GSK3B: variants seen among roughly 807,000 people sequenced by gnomAD.
GSK3B encodes the protein glycogen synthase kinase-3 beta.
GSK3B carries 15 observed loss-of-function variants against 56.4 expected under a neutral mutation model. The observed-to-expected ratio is 0.27, with a 90% CI of 0.18 to 0.41. The LOEUF (loss-of-function observed/expected upper bound fraction) is 0.41. Ranked by LOEUF, GSK3B falls within the 10% of genes least tolerant of loss-of-function variation. The pLI is 1.00. For synonymous variants in GSK3B, 181 were observed against 188.9 expected (o/e 0.96, Z 0.34); for missense variants, 300 against 513.4 (o/e 0.58, Z 4.02).
chr3:119,939,786 A>G (rs1418644359), intron 3 of GSK3B, among the ~76,000 whole-genome samples: 2 of 152,194 alleles, frequency 1.3e-5, no homozygotes, highest in Non-Finnish European at 2.9e-5. Context: ...TAGCAAGGAT[A>G]AGGGGAGTCG....
intron 10 of GSK3B, among the ~76,000 whole-genome samples, chr3:119,840,294 G>A (rs1175989754): frequency 4.6e-5 from 7 of 151,106 alleles, no homozygotes; most frequent in Admixed American, 6.6e-5. Flanking sequence ...GCACAATCTC[G>A]GCTCATTGCA....
intron 2 of GSK3B, among the ~76,000 whole-genome samples, chr3:119,992,811 C>T (rs535378500): frequency 6.6e-6 from 1 of 151,762 alleles, no homozygotes; most frequent in African/African-American, 2.4e-5. Context: ...TAAAATGGAC[C>T]TTGAATACAT....
chr3:120,038,818 T>TTA (rs2058042709), intron 1 of GSK3B, among the ~76,000 whole-genome samples: 1 of 121,866 alleles, frequency 8.2e-6, no homozygotes. Flanking sequence ...GCACAGTCCA[T>TTA]AAAAAAAAAA....
chr3:119,858,355 G>C (rs1223500212), intron 9 of GSK3B, among the ~76,000 whole-genome samples: 3 of 152,198 alleles, frequency 2.0e-5, no homozygotes, highest in African/African-American at 7.2e-5. Flanking sequence ...AATGATCTTA[G>C]CTAGAGGTCT....
intron 4 of GSK3B, among the ~76,000 whole-genome samples, chr3:119,922,337 T>G (rs1161919244): frequency 6.7e-6 from 1 of 148,268 alleles, no homozygotes; most frequent in Non-Finnish European, 1.5e-5. Context: ...ATATATATAC[T>G]TTATATATAA....
intron 2 of GSK3B, among the ~76,000 whole-genome samples, chr3:119,974,268 T>G (rs1253567238): frequency 5.9e-5 from 9 of 152,084 alleles, no homozygotes; most frequent in Admixed American, 5.2e-4. Flanking sequence ...AACCAACAAC[T>G]CAATTAAAAT....
chr3:119,843,350 A>G lies in GSK3B; in HGVS notation c.1100T>C (p.Leu367Pro). ...PALFNFTTQE[L>P]SSNPPLATIL... is the part of the protein sequence containing the mutation. ...GGTAGCCAGAGGTGGATTACTTGAC[A>G]GTTCTATAGAAGGTTAAGACACAAA... Residue 367 changes from leucine (L) to proline (P), a missense_variant, in exon 10 of 11, where the codon CTG becomes CCG. Coordinates refer to ENST00000264235, the MANE Select transcript of GSK3B (RefSeq NM_001146156.2). 6.3e-7 allele frequency: 1 copy of G among 1,575,620 alleles called. No homozygotes were observed. The highest frequency in any genetic ancestry group is 8.7e-7 in the Non-Finnish European group (1 of 1,146,206).
intron 9 of GSK3B, among the ~76,000 whole-genome samples, chr3:119,853,303 C>A (rs1288638463): frequency 2.0e-5 from 3 of 152,176 alleles, no homozygotes; most frequent in Non-Finnish European, 2.9e-5. Flanking sequence ...GGTACCAGTA[C>A]CATGCTGTTT....
chr3:119,859,197 A>AAG (rs1553725266), intron 9 of GSK3B, among the ~76,000 whole-genome samples: 1 of 151,746 alleles, frequency 6.6e-6, no homozygotes. Flanking sequence ...AAAAAAAAAA[A>AAG]AGCATTACCT....
Position 120,017,383 on chromosome 3 carries a change from C to T in GSK3B, c.89-15144G>A, listed in dbSNP as rs558369236. Among the ~76,000 whole-genome samples, 100 of 152,204 alleles carry T rather than the reference C, an allele frequency of 6.6e-4. 2 individuals carry two copies. Among genetic ancestry groups the T allele is most frequent in the South Asian group, 3.5e-3 (17 of 4,828 alleles). On this transcript the variant is annotated intron_variant, in intron 1 of 10. Transcript: ENST00000264235. ...TAGTGACAGTAATACCAGATCAGTG[C>T]TCTAAATATATTTTTTAAATCAATT...
At chr3:119,827,106 G>A (rs1453796251) in intron 10 of GSK3B, among the ~76,000 whole-genome samples, 2 of 152,208 alleles carry the variant, frequency 1.3e-5, no homozygotes, top group East Asian at 1.9e-4. Context: ...GGGAGCCAGA[G>A]ACCATTTCAG....
chr3:119,937,592 G>C (rs1196379283), intron 3 of GSK3B, among the ~76,000 whole-genome samples: 1 of 151,982 alleles, frequency 6.6e-6, no homozygotes, highest in African/African-American at 2.4e-5. Context: ...ACATAGTTAA[G>C]ACATAATACC....
chr3:119,905,653 C>A, intron 7 of GSK3B, 102 bp downstream of exon 7: 1 of 718,350 alleles, frequency 1.4e-6, no homozygotes. Flanking sequence ...GGATTGCTTC[C>A]TCCATTTTTT....
At chr3:119,974,539 C>A (rs905388765) in intron 2 of GSK3B, among the ~76,000 whole-genome samples, 1 of 152,164 alleles carries the variant, frequency 6.6e-6, no homozygotes, top group African/African-American at 2.4e-5. Flanking sequence ...CAAGCCCTCA[C>A]CAGACACTGA....
At chr3:120,003,821 G>C (rs917355741) in intron 1 of GSK3B, among the ~76,000 whole-genome samples, 2 of 152,226 alleles carry the variant, frequency 1.3e-5, no homozygotes, top group African/African-American at 4.8e-5. Flanking sequence ...ACAACTCCCA[G>C]GAAGATCTTT....
chr3:119,846,545 T>A (rs147320339), intron 9 of GSK3B, among the ~76,000 whole-genome samples: 2 of 152,178 alleles, frequency 1.3e-5, no homozygotes, highest in Non-Finnish European at 2.9e-5. Context: ...AAAAAGCTCA[T>A]CATCGCTGAT....
chr3:120,059,170 T>C (rs1236443525), intron 1 of GSK3B, among the ~76,000 whole-genome samples: 1 of 152,198 alleles, frequency 6.6e-6, no homozygotes, highest in African/African-American at 2.4e-5. Flanking sequence ...TAATGGCTCA[T>C]ATTCACTTTT....
At chr3:119,856,222 A>T (rs973766692) in intron 9 of GSK3B, among the ~76,000 whole-genome samples, 1 of 152,224 alleles carries the variant, frequency 6.6e-6, no homozygotes, top group Non-Finnish European at 1.5e-5. Flanking sequence ...TAGTGTGTTG[A>T]CCAAGGTCTA....
chr3:119,845,250 C>G (rs1350400911), intron 9 of GSK3B, among the ~76,000 whole-genome samples: 1 of 152,170 alleles, frequency 6.6e-6, no homozygotes, highest in East Asian at 1.9e-4. Flanking sequence ...GCTTTGAAAA[C>G]CAGCACAAAA....
Sources: gnomAD v4.1 joint callset for allele counts (sites outside exome capture counted in the v4.1 genomes callset) on GRCh38, gnomAD v4.1.1 for gene constraint, MANE v1.5 for transcripts, NCBI Gene and HGNC (gene_info 2026-07-23, HGNC 2026-07-21) for gene names.